Variants in STPG2 observed in about 807,000 individuals in gnomAD.
The protein encoded by STPG2 is sperm tail PG-rich repeat containing 2.
A neutral mutation model predicts 54.2 loss-of-function variants in STPG2; 56 were observed. That is an observed-to-expected ratio of 1.03 (90% CI 0.83 to 1.29). STPG2 has a LOEUF of 1.29. Among genes scored for constraint, STPG2 ranks in the 50% most tolerant of loss-of-function variants. The pLI is 0.00. For missense variants in STPG2, 596 were observed against 544.9 expected (o/e 1.09, Z -0.93); for synonymous variants, 200 against 181.8 (o/e 1.10, Z -0.81).
chr4:97,883,997 T>A (rs1258929730), intron 8 of STPG2, among the ~76,000 whole-genome samples: 2 of 151,928 alleles, frequency 1.3e-5, no homozygotes, highest in African/African-American at 4.8e-5. Flanking sequence ...GGGGAAGAAG[T>A]TTTTGCGGGG....
chr4:97,606,119 G>A (rs1266558384), intron 10 of STPG2, among the ~76,000 whole-genome samples: 2 of 151,808 alleles, frequency 1.3e-5, no homozygotes, highest in Non-Finnish European at 2.9e-5. Context: ...TGCTGATGAT[G>A]CCTATTTTTA....
intron 8 of STPG2, among the ~76,000 whole-genome samples, chr4:97,882,267 T>C (rs1730405320): frequency 6.6e-6 from 1 of 152,098 alleles, no homozygotes; most frequent in Admixed American, 6.6e-5. Flanking sequence ...GGTAGAAAAC[T>C]AGAGAAAGCA....
chr4:97,814,034 A>T (rs1332741384), intron 9 of STPG2, among the ~76,000 whole-genome samples: 1 of 152,146 alleles, frequency 6.6e-6, no homozygotes, highest in Non-Finnish European at 1.5e-5. Context: ...TCACACCATT[A>T]AATTATTACA....
At chr4:97,640,601 A>T (rs2148944858) in intron 10 of STPG2, among the ~76,000 whole-genome samples, 1 of 151,930 alleles carries the variant, frequency 6.6e-6, no homozygotes, top group East Asian at 1.9e-4. Flanking sequence ...TAGTAGATTG[A>T]AAAACAGGAT....
At chr4:97,558,248 G>T (rs1732128448), downstream of STPG2, among the ~76,000 whole-genome samples, 1 of 152,126 alleles carries the variant, frequency 6.6e-6, no homozygotes, top group African/African-American at 2.4e-5. Flanking sequence ...TTACTGATTT[G>T]TGGACTATAT....
At chr4:97,713,580 G>A (rs1017627224) in intron 9 of STPG2, among the ~76,000 whole-genome samples, 4 of 152,196 alleles carry the variant, frequency 2.6e-5, no homozygotes, top group African/African-American at 9.6e-5. Flanking sequence ...TTCTCATGAA[G>A]AGTGTACAAC....
chr4:97,865,335 T>C (rs539676374), intron 8 of STPG2, among the ~76,000 whole-genome samples: 1 of 152,088 alleles, frequency 6.6e-6, no homozygotes, highest in Non-Finnish European at 1.5e-5. Flanking sequence ...AAAAGACACA[T>C]GAAAAAATGC....
chr4:97,636,433 T>G (rs1721533827), intron 10 of STPG2, among the ~76,000 whole-genome samples: 1 of 142,758 alleles, frequency 7.0e-6, no homozygotes, highest in African/African-American at 2.7e-5. Flanking sequence ...TTAAAAGAAC[T>G]AGAAAAGCAA....
intron 6 of STPG2, among the ~76,000 whole-genome samples, chr4:97,974,409 TG>T (rs1296895583): frequency 6.6e-6 from 1 of 152,162 alleles, no homozygotes; most frequent in Non-Finnish European, 1.5e-5. Flanking sequence ...TTAAGACTTT[TG>T]GGGACTGTTG....
chr4:98,126,583 C>T (rs1234680568), intron 3 of STPG2, among the ~76,000 whole-genome samples: 1 of 152,194 alleles, frequency 6.6e-6, no homozygotes, highest in Non-Finnish European at 1.5e-5. Context: ...CACCAACCGC[C>T]TAGTCAGTCC....
intron 10 of STPG2, among the ~76,000 whole-genome samples, chr4:97,573,512 T>C (rs1199777977): frequency 6.6e-6 from 1 of 151,814 alleles, no homozygotes; most frequent in Non-Finnish European, 1.5e-5. Flanking sequence ...AAGGATTTAT[T>C]ATATATTTAT....
chr4:98,027,915 G>T (rs1489844949), intron 5 of STPG2, among the ~76,000 whole-genome samples: 1 of 152,112 alleles, frequency 6.6e-6, no homozygotes, highest in Non-Finnish European at 1.5e-5. Flanking sequence ...GTCCAAGCTG[G>T]CAGTGCTGCT....
chr4:97,869,435 C>T (rs1332900524), intron 8 of STPG2, among the ~76,000 whole-genome samples: 3 of 151,542 alleles, frequency 2.0e-5, no homozygotes, highest in Non-Finnish European at 4.4e-5. Context: ...TATTTTGGTG[C>T]ATTTTTAAAC....
chr4:97,802,133 A>C (rs1325552978), intron 9 of STPG2, among the ~76,000 whole-genome samples: 2 of 152,150 alleles, frequency 1.3e-5, no homozygotes, highest in Non-Finnish European at 1.5e-5. Context: ...TTTGAGAAAC[A>C]CTGTTTTAGT....
chr4:97,956,882 CA>C (rs1269141056), intron 7 of STPG2, among the ~76,000 whole-genome samples: 1 of 152,142 alleles, frequency 6.6e-6, no homozygotes, highest in South Asian at 2.1e-4. Flanking sequence ...GAGAAGGAAC[CA>C]AAATCCCAAC....
At chr4:97,824,626 T>C (rs1728197635) in intron 9 of STPG2, among the ~76,000 whole-genome samples, 1 of 152,120 alleles carries the variant, frequency 6.6e-6, no homozygotes, top group South Asian at 2.1e-4. Context: ...TGTAACCACG[T>C]GGCACTACTT....
intron 10 of STPG2, among the ~76,000 whole-genome samples, chr4:97,679,287 G>C (rs1372505055): frequency 6.6e-6 from 1 of 151,960 alleles, no homozygotes. Context: ...TCCAGCACCT[G>C]TTGTTTCCTG....
At chr4:97,556,922 G>A (rs574121741), downstream of STPG2, among the ~76,000 whole-genome samples, 5 of 152,284 alleles carry the variant, frequency 3.3e-5, no homozygotes, top group East Asian at 9.7e-4. Flanking sequence ...GGTGGCTCAT[G>A]CCTGTAATCC....
At chr4:97,863,170 A>T (rs1729624750) in intron 8 of STPG2, among the ~76,000 whole-genome samples, 1 of 152,182 alleles carries the variant, frequency 6.6e-6, no homozygotes, top group African/African-American at 2.4e-5. Flanking sequence ...CAGTTTTTTG[A>T]AAAGATCAAT....
Sources: gnomAD v4.1 joint callset for allele counts (sites outside exome capture counted in the v4.1 genomes callset) on GRCh38, gnomAD v4.1.1 for gene constraint, MANE v1.5 for transcripts, NCBI Gene and HGNC (gene_info 2026-07-23, HGNC 2026-07-21) for gene names.